COL19A1: variants seen among roughly 807,000 people sequenced by gnomAD.
The protein encoded by COL19A1 is collagen type XIX alpha 1 chain.
COL19A1 carries 159 observed loss-of-function variants against 190.2 expected under a neutral mutation model. The ratio of observed to expected loss-of-function variants is 0.84; its 90% CI spans 0.73 to 0.95. The LOEUF (loss-of-function observed/expected upper bound fraction) is 0.95, where lower values mean the gene tolerates loss of function less well. Among genes scored for constraint, COL19A1 ranks in the 40% least tolerant of loss-of-function variants. COL19A1 has a pLI of 0.00. For synonymous variants in COL19A1, 509 were observed against 458.9 expected, an observed-to-expected ratio of 1.11 and a Z score of -1.39; for missense variants, 1,418 against 1,431.9, an observed-to-expected ratio of 0.99 and a Z score of 0.16.
intron 11 of COL19A1, among the ~76,000 whole-genome samples, chr6:70,005,916 A>G (rs1777592170): frequency 6.6e-6 from 1 of 152,178 alleles, no homozygotes; most frequent in Non-Finnish European, 1.5e-5. Context: ...AGTCAGAGTC[A>G]GGCCTGAAGA....
intron 41 of COL19A1, among the ~76,000 whole-genome samples, chr6:70,176,170 G>C (rs1033468705): frequency 6.6e-6 from 1 of 152,122 alleles, no homozygotes; most frequent in Non-Finnish European, 1.5e-5. Context: ...TTTTAAGCAA[G>C]AGTAATGATC....
chr6:69,999,654 T>C (rs1422555070), intron 11 of COL19A1, among the ~76,000 whole-genome samples: 1 of 152,210 alleles, frequency 6.6e-6, no homozygotes, highest in Non-Finnish European at 1.5e-5. Flanking sequence ...CACTGAAATT[T>C]GTAAATACAT....
chr6:70,161,783 A>G (rs1262621185), intron 34 of COL19A1, 117 bp from the exon 35 acceptor site: 1 of 606,956 alleles, frequency 1.6e-6, no homozygotes, highest in Non-Finnish European at 2.7e-6. Flanking sequence ...GACAAACATT[A>G]TGTTTCTCGA....
chr6:70,031,405 C>T (rs1231040175), intron 12 of COL19A1, among the ~76,000 whole-genome samples: 1 of 152,080 alleles, frequency 6.6e-6, no homozygotes, highest in East Asian at 1.9e-4. Context: ...TTTATTCCTT[C>T]TACCTTACTG....
intron 11 of COL19A1, among the ~76,000 whole-genome samples, chr6:69,984,903 T>G (rs546124795): frequency 6.6e-6 from 1 of 152,166 alleles, no homozygotes; most frequent in Non-Finnish European, 1.5e-5. Context: ...CCATAGGAGA[T>G]TGATAATTTT....
intron 6 of COL19A1, 75 bp from the exon 7 acceptor site, chr6:69,932,708 A>G: frequency 1.3e-6 from 1 of 748,968 alleles, no homozygotes; most frequent in Non-Finnish European, 2.2e-6. Flanking sequence ...TTCTGATTAA[A>G]TTACTGTAGT....
rs938156636 is a variant in COL19A1 at position 69,886,546 on chromosome 6, C to T, written c.91+6888C>T. Among the ~76,000 whole-genome samples the T allele has an allele frequency of 1.1e-4, 16 of 151,952 alleles. No homozygotes were observed. In the East Asian group the frequency reaches 1.9e-3, roughly 18 times the overall value. On this transcript the variant is annotated intron_variant, in intron 2 of 50. Coordinates refer to ENST00000620364, the MANE Select transcript of COL19A1 (RefSeq NM_001858.6). ...ATCTGCACCCCCATATTCATTGCAA[C>T]GTTATTCACAATAGCTAAGACATGG... is the stretch of plus-strand genomic sequence containing the variant.
chr6:70,035,284 TA>T (rs1779291655), intron 13 of COL19A1, among the ~76,000 whole-genome samples: 1 of 152,234 alleles, frequency 6.6e-6, no homozygotes, highest in Non-Finnish European at 1.5e-5. Flanking sequence ...AGTGAACTTT[TA>T]GATGAACCAT....
At chr6:70,105,701 T>G (rs540001419) in intron 16 of COL19A1, among the ~76,000 whole-genome samples, 1 of 152,314 alleles carries the variant, frequency 6.6e-6, no homozygotes, top group East Asian at 1.9e-4. Context: ...GACGGGTTGG[T>G]AGGATCTACA....
intron 15 of COL19A1, among the ~76,000 whole-genome samples, chr6:70,097,909 G>T (rs924583899): frequency 6.6e-5 from 10 of 152,074 alleles, no homozygotes; most frequent in African/African-American, 2.4e-4. Context: ...GACTTATTCC[G>T]GCTCAGCAGA....
At chr6:70,203,879 G>A (rs1308940973) in intron 49 of COL19A1, among the ~76,000 whole-genome samples, 1 of 149,100 alleles carries the variant, frequency 6.7e-6, no homozygotes, top group Admixed American at 6.6e-5. Context: ...TTTTTTTTGA[G>A]CCGGATTTTC....
chr6:69,890,601 G>A (rs188203771), intron 2 of COL19A1: 1 of 152,244 alleles, frequency 6.6e-6, no homozygotes, highest in Admixed American at 6.5e-5. Flanking sequence ...TAAATTTGAA[G>A]TTTAAACAAT....
rs765449420 is a variant in COL19A1, at chr6:70,141,908, A to G, written c.1498A>G (p.Ile500Val). The G allele has an allele frequency of 3.4e-5, 54 of 1,598,346 alleles. No individual in the cohort carries two copies. The highest frequency in any genetic ancestry group is 4.3e-5 in the Non-Finnish European group (50 of 1,166,238). The change falls in exon 21 of 51, where the codon ATA becomes GTA. Residue 500 changes from isoleucine to valine, a missense_variant. Ile to Val is a conservative substitution (Grantham distance 29, BLOSUM62 3). Transcript: ENST00000620364. Reference protein sequence around the residue: ...EKGDRGEPGVIGSQGVKGEPG... With the variant: ...EKGDRGEPGVVGSQGVKGEPG... ...TTATTTACAGGGAGAACCTGGGGTA[A>G]TAGGATCACAGGGAGTAAAGGTAAT...
chr6:70,102,330 A>G (rs745907498), intron 16 of COL19A1, 108 bp downstream of exon 16: 2 of 843,688 alleles, frequency 2.4e-6, no homozygotes, highest in South Asian at 1.5e-5. Flanking sequence ...CCTTTATTCT[A>G]CTGTTTAGAA....
intron 4 of COL19A1, among the ~76,000 whole-genome samples, chr6:69,921,250 A>T (rs986909954): frequency 7.6e-6 from 1 of 132,176 alleles, no homozygotes; most frequent in Admixed American, 8.8e-5. Context: ...CATATATGTC[A>T]TATATCATAT....
At chr6:69,899,235 G>A (rs931095681) in intron 3 of COL19A1, among the ~76,000 whole-genome samples, 7 of 150,236 alleles carry the variant, frequency 4.7e-5, no homozygotes, top group African/African-American at 1.7e-4. Context: ...TGTGATCTCA[G>A]CTTGCTGCAA....
intron 48 of COL19A1, among the ~76,000 whole-genome samples, chr6:70,191,500 G>A (rs1766871356): frequency 6.6e-6 from 1 of 152,178 alleles, no homozygotes; most frequent in Non-Finnish European, 1.5e-5. Context: ...TGATAGAAAT[G>A]TTGACTAAAA....
chr6:69,983,680 C>A (rs1312897750), intron 11 of COL19A1, among the ~76,000 whole-genome samples: 1 of 152,000 alleles, frequency 6.6e-6, no homozygotes, highest in Non-Finnish European at 1.5e-5. Flanking sequence ...AAATATTGAA[C>A]TTAAAAATGC....
chr6:70,059,379 G>A (rs1018983573), intron 14 of COL19A1, among the ~76,000 whole-genome samples: 5 of 152,132 alleles, frequency 3.3e-5, no homozygotes, highest in South Asian at 4.1e-4. Context: ...GTGTTCAAAC[G>A]TAATTAATCT....
Sources: gnomAD v4.1 joint callset for allele counts (sites outside exome capture counted in the v4.1 genomes callset) on GRCh38, gnomAD v4.1.1 for gene constraint, MANE v1.5 for transcripts, NCBI Gene and HGNC (gene_info 2026-07-23, HGNC 2026-07-21) for gene names.